The following SYK variants were observed in gnomAD, a reference collection of about 807,000 sequenced individuals.
SYK encodes tyrosine-protein kinase SYK.
SYK carries 16 observed loss-of-function variants against 77.8 expected under a neutral mutation model. The observed-to-expected ratio is 0.21, with a 90% confidence interval of 0.14 to 0.31. The LOEUF (loss-of-function observed/expected upper bound fraction) is 0.31. Among genes scored for constraint, SYK ranks in the 10% least tolerant of loss-of-function variants. The pLI is 1.00. For missense variants in SYK, 529 were observed against 814.4 expected (o/e 0.65, Z 4.26); for synonymous variants, 312 against 308.7 (o/e 1.01, Z -0.11).
In SYK at chr9:90,844,060, C is replaced by G. The variant is rs150440676; in HGVS notation, c.162C>G (p.Ser54=). ...ACTACCTGGGTGGCTTCGCCCTGTC[C>G]GTGGCCCACGGGAGGAAGGCACACC... The part of the protein sequence containing the change: ...SRNYLGGFAL[S]VAHGRKAHHY... The change falls in exon 2 of 14, where the codon TCC becomes TCG. Residue 54 remains serine (S), a synonymous_variant. Transcript: ENST00000375754. The G allele has an allele frequency of 6.2e-7, 1 of 1,612,434 alleles. No homozygotes were observed. The highest frequency in any genetic ancestry group is 8.5e-7 in the Non-Finnish European group (1 of 1,179,130).
intron 3 of SYK, among the ~76,000 whole-genome samples, chr9:90,845,814 C>T (rs1162273138): frequency 1.3e-5 from 2 of 152,218 alleles, no homozygotes; most frequent in Admixed American, 1.3e-4. Context: ...AAAATGAACA[C>T]TCTTTTTGGG....
intron 11 of SYK, among the ~76,000 whole-genome samples, chr9:90,879,574 A>C (rs2118897961): frequency 1.3e-5 from 2 of 152,358 alleles, no homozygotes; most frequent in African/African-American, 4.8e-5. Context: ...AGATTTACCA[A>C]ATAAACTCGT....
At chr9:90,829,249 A>G (rs1339162953) in intron 1 of SYK, among the ~76,000 whole-genome samples, 1 of 151,634 alleles carries the variant, frequency 6.6e-6, no homozygotes, top group Non-Finnish European at 1.5e-5. Flanking sequence ...AGATCGTGCC[A>G]TTGCACTCCA....
At chr9:90,855,784 C>T (rs568039121) in intron 3 of SYK, among the ~76,000 whole-genome samples, 35 of 151,662 alleles carry the variant, frequency 2.3e-4, no homozygotes, top group Non-Finnish European at 4.6e-4. Context: ...GCGTTCCATC[C>T]CCTGAGTTTT....
At chr9:90,875,464 T>C (rs1827890898) in intron 9 of SYK, among the ~76,000 whole-genome samples, 1 of 152,110 alleles carries the variant, frequency 6.6e-6, no homozygotes, top group African/African-American at 2.4e-5. Flanking sequence ...ATCCCAACAC[T>C]ACTACTGTTA....
chr9:90,873,240 C>G (rs1003849112), intron 7 of SYK, among the ~76,000 whole-genome samples: 2 of 151,776 alleles, frequency 1.3e-5, no homozygotes, highest in Non-Finnish European at 2.9e-5. Context: ...GTCTCTGTTT[C>G]TGTAACTTTC....
chr9:90,871,021 C>T lies in SYK; in HGVS notation c.916-3183C>T, dbSNP rs150828576. Reference sequence around the variant, plus strand: ...CTTTTGTTCACTTTTGGATCACCAGCTTTTAAACATAGGCACTCAAAGAAT... The same window carrying T: ...CTTTTGTTCACTTTTGGATCACCAGTTTTTAAACATAGGCACTCAAAGAAT... On this transcript the variant is annotated intron_variant, in intron 7 of 13. Coordinates refer to ENST00000375754, the MANE Select transcript of SYK (RefSeq NM_003177.7). Among the ~76,000 whole-genome samples, 97 of 152,336 alleles carry T rather than the reference C, an allele frequency of 6.4e-4. 1 individual carries two copies. The highest frequency in any genetic ancestry group is 2.2e-3 in the African/African-American group (91 of 41,578).
At chr9:90,811,935 AAG>A (rs1825092213) in intron 1 of SYK, among the ~76,000 whole-genome samples, 1 of 51,486 alleles carries the variant, frequency 1.9e-5, no homozygotes, top group African/African-American at 6.0e-5. Flanking sequence ...CAAAAATAAT[AAG>A]TGAAAAAAAA....
At chr9:90,867,390 A>G (rs549773983) in intron 7 of SYK, among the ~76,000 whole-genome samples, 191 bp downstream of exon 7, 1 of 152,038 alleles carries the variant, frequency 6.6e-6, no homozygotes, top group Non-Finnish European at 1.5e-5. Context: ...TGTGCTTTTC[A>G]TGTGGGTCCT....
rs368991240 is a variant in SYK, at chr9:90,885,817, C to T, written c.1582-1932C>T. On this transcript the variant is annotated intron_variant, in intron 11 of 13. Transcript: ENST00000375754. Reference sequence around the variant, plus strand: ...TTCTAATTACCCATAAAGGAACCACCATTAGACTAACAGTGGATTTCTCAG... The same window carrying T: ...TTCTAATTACCCATAAAGGAACCACTATTAGACTAACAGTGGATTTCTCAG... 4.6e-5 allele frequency among the ~76,000 whole-genome samples: 7 copies of T among 152,244 alleles called. No individual in the cohort carries two copies. The South Asian group carries it at 1.2e-3, about 27-fold the overall frequency.
At chr9:90,874,455 G>A (rs1827851974) in intron 8 of SYK, among the ~76,000 whole-genome samples, 164 bp downstream of exon 8, 1 of 152,180 alleles carries the variant, frequency 6.6e-6, no homozygotes. Flanking sequence ...GGCACCACAT[G>A]CCCATGAGCA....
In SYK at chr9:90,878,803, G is replaced by A. The variant is rs56285406; in HGVS notation, c.1431G>A (p.Gln477=). Reference sequence around the variant, plus strand: ...AGAACATCATAGAACTGGTTCATCAGGTTTCCATGGGCATGAAGTACTTGG... The same window carrying A: ...AGAACATCATAGAACTGGTTCATCAAGTTTCCATGGGCATGAAGTACTTGG... ...KDKNIIELVH[Q]VSMGMKYLEE... Residue 477 remains glutamine, a synonymous_variant, in exon 11 of 14, where the codon CAG becomes CAA. Coordinates refer to ENST00000375754, the MANE Select transcript of SYK (RefSeq NM_003177.7). 3.1e-6 allele frequency: 5 copies of A among 1,613,804 alleles called. No individual in the cohort carries two copies. Among genetic ancestry groups the A allele is most frequent in the Non-Finnish European group, 4.2e-6 (5 of 1,179,810 alleles).
chr9:90,804,631 T>G (rs1324004914), intron 1 of SYK, among the ~76,000 whole-genome samples: 1 of 152,198 alleles, frequency 6.6e-6, no homozygotes, highest in Non-Finnish European at 1.5e-5. Context: ...TGGGGAAGAA[T>G]TTGTTTTGTT....
chr9:90,826,653 A>G lies in SYK; in HGVS notation c.-41-17205A>G, dbSNP rs1825676402. On this transcript the variant is annotated intron_variant, in intron 1 of 13. Transcript: ENST00000375754. ...GGGTTCCTTTTTATCTTGCGTTTCC[A>G]GGGATGTTTCACGGCCTTTTGTGGA... 1.3e-5 allele frequency among the ~76,000 whole-genome samples: 2 copies of G among 152,164 alleles called. 1 individual carries two copies. The highest frequency in any genetic ancestry group is 4.1e-4 in the South Asian group (2 of 4,836).
At chr9:90,862,157 C>T (rs1415095825) in intron 3 of SYK, 49 bp from the exon 4 acceptor site, 2 of 1,561,692 alleles carry the variant, frequency 1.3e-6, no homozygotes, top group South Asian at 1.2e-5. Flanking sequence ...AGGGTCCCAC[C>T]TGGAGACTGG....
rs1319672285 is a variant in SYK, at chr9:90,884,420, CAT to C, written c.1582-3325_1582-3324del. ...ATACACATATGTGTATATATACATA[CAT>C]ATACACATATGTGTGTACATATACA... On this transcript the variant is annotated intron_variant, in intron 11 of 13. Transcript: ENST00000375754. Among the ~76,000 whole-genome samples, 157 of 83,678 alleles carry C rather than the reference CAT, an allele frequency of 1.9e-3. 69 individuals are homozygous for C. The highest frequency in any genetic ancestry group is 7.4e-3 in the Admixed American group (44 of 5,950). 54.9% of individuals were successfully genotyped at this position (83,678 alleles called of 152,430 possible). A position where few individuals can be genotyped will look rare whatever the true frequency, so the allele number is the denominator to read the frequency against.
In SYK at chr9:90,874,733, C is replaced by T. The variant is rs2290890; in HGVS notation, c.1065C>T (p.Pro355=). The T allele has an allele frequency of 0.16, 253,495 of 1,613,792 alleles. 22,523 individuals are homozygous for T. Among genetic ancestry groups the T allele is most frequent in the Admixed American group, 0.38 (22,694 of 59,978 alleles). Residue 355 remains proline (P), a synonymous_variant, in exon 9 of 14, where the codon CCC becomes CCT. Coordinates refer to ENST00000375754, the MANE Select transcript of SYK (RefSeq NM_003177.7). ...TGTACGAGAGCCCCTACGCGGACCCCGAGGAGATCAGGCCCAAGGAGGTTT... is the reference window on the plus strand; with the variant it reads ...TGTACGAGAGCCCCTACGCGGACCCTGAGGAGATCAGGCCCAAGGAGGTTT... The part of the protein sequence containing the change: ...TEVYESPYAD[P]EEIRPKEVYL...
chr9:90,829,065 C>T (rs577177028), intron 1 of SYK, among the ~76,000 whole-genome samples: 30 of 152,196 alleles, frequency 2.0e-4, no homozygotes, highest in African/African-American at 7.0e-4. Context: ...CCGAGGTGGG[C>T]GGATCATGAG....
At chr9:90,887,649 C>G in intron 11 of SYK, 100 bp from the exon 12 acceptor site, 5 of 1,333,446 alleles carry the variant, frequency 3.7e-6, no homozygotes, top group Non-Finnish European at 5.0e-6. Flanking sequence ...GTGATCTGCT[C>G]TCCTCAGCCT....
Sources: gnomAD v4.1 joint callset for allele counts (sites outside exome capture counted in the v4.1 genomes callset) on GRCh38, gnomAD v4.1.1 for gene constraint, MANE v1.5 for transcripts, NCBI Gene and HGNC (gene_info 2026-07-23, HGNC 2026-07-21) for gene names.